The following TOM1L1 variants were observed in gnomAD, a reference collection of about 807,000 sequenced individuals.
TOM1L1 encodes the protein target of myb1 like 1 membrane trafficking protein.
Under a neutral mutation model 63.4 loss-of-function variants are expected in TOM1L1, and 64 were observed. The observed-to-expected ratio is 1.01, with a 90% CI of 0.83 to 1.24. The LOEUF (loss-of-function observed/expected upper bound fraction) is 1.24. TOM1L1 is among the 50% of genes most tolerant of loss of function. The pLI is 0.00. For synonymous variants in TOM1L1, 166 were observed against 194.4 expected (o/e 0.85, Z 1.22); for missense variants, 536 against 567.0 (o/e 0.95, Z 0.55).
At chr17:54,928,974 T>C (rs1194485845) in intron 7 of TOM1L1, among the ~76,000 whole-genome samples, 1 of 152,234 alleles carries the variant, frequency 6.6e-6, no homozygotes, top group Non-Finnish European at 1.5e-5. Context: ...TTGTTTGAGA[T>C]TCTGAATGGT....
chr17:54,918,629 T>C (rs1383107625), intron 7 of TOM1L1, among the ~76,000 whole-genome samples: 5 of 152,042 alleles, frequency 3.3e-5, no homozygotes, highest in Admixed American at 2.6e-4. Flanking sequence ...TTTAGAAAAA[T>C]CCTCTGGTGG....
chr17:54,902,278 T>G (rs1377926361), intron 1 of TOM1L1, among the ~76,000 whole-genome samples: 1 of 152,078 alleles, frequency 6.6e-6, no homozygotes, highest in Non-Finnish European at 1.5e-5. Flanking sequence ...ATTCAAGTTT[T>G]TTGTTGTTGT....
chr17:54,949,594 G>C lies in TOM1L1; in HGVS notation c.1259G>C (p.Ser420Thr), dbSNP rs762550272. Residue 420 changes from serine to threonine, a missense_variant, in exon 13 of 16, where the codon AGT becomes ACT. By Grantham distance (58) the Ser-to-Thr change is moderately conservative (BLOSUM62 1). Coordinates refer to ENST00000575882, the MANE Select transcript of TOM1L1 (RefSeq NM_005486.3). ...ATTGCAGCAGCACCATCAAACCAGAGTCTGCCACCTTTGCCCAGCAATCAT... is the reference window on the plus strand; with the variant it reads ...ATTGCAGCAGCACCATCAAACCAGACTCTGCCACCTTTGCCCAGCAATCAT... ...QTIAAAPSNQ[S>T]LPPLPSNHPA... 6.2e-7 allele frequency: 1 copy of C among 1,606,532 alleles called. No individual in the cohort carries two copies. Among genetic ancestry groups the C allele is most frequent in the Non-Finnish European group, 8.5e-7 (1 of 1,179,860 alleles).
At position 54,937,110 on chromosome 17, in the gene TOM1L1, C is replaced by A; in HGVS notation, c.917C>A (p.Thr306Asn). 8.2e-6 allele frequency: 13 copies of A among 1,583,652 alleles called. No individual in the cohort carries two copies. Among genetic ancestry groups the A allele is most frequent in the Non-Finnish European group, 1.1e-5 (13 of 1,156,808 alleles). ...TTTTTTTTTTTGCTTTGTTTTCAGA[C>A]TACCAGTGAGCCTTCTGCCCCATCT... ...QNKNQKEATNTTSEPSAPSQD... is the reference protein window; with the variant it reads ...QNKNQKEATNNTSEPSAPSQD... Residue 306 changes from threonine (T) to asparagine (N), a missense_variant and splice_region_variant, in exon 10 of 16, where the codon ACT (threonine) becomes AAT (asparagine). Physicochemically the swap from Thr to Asn is moderately conservative, Grantham distance 65 (BLOSUM62 0). Transcript: ENST00000575882.
At position 54,961,418 on chromosome 17, in the gene TOM1L1, C is replaced by T; in HGVS notation, c.*185C>T. ...CCAGGATAACACTGATTCCTGACAA[C>T]AGCGTGAGATTTCAACAGAACTTGT... is the stretch of plus-strand genomic sequence containing the variant. On this transcript the variant is annotated 3_prime_UTR_variant, in exon 16 of 16. Transcript: ENST00000575882. 6.6e-7 allele frequency: 1 copy of T among 1,523,918 alleles called. No homozygotes were observed. Among genetic ancestry groups the T allele is most frequent in the Non-Finnish European group, 8.8e-7 (1 of 1,135,422 alleles). 94.4% of individuals were successfully genotyped at this position (1,523,918 alleles called of 1,614,324 possible).
chr17:54,914,700 T>C lies in TOM1L1; in HGVS notation c.560T>C (p.Val187Ala), dbSNP rs1349838449. The C allele has an allele frequency of 6.2e-7, 1 of 1,613,898 alleles. No individual in the cohort carries two copies. Among genetic ancestry groups the C allele is most frequent in the African/African-American group, 1.3e-5 (1 of 74,940 alleles). ...SVPTAPALSS[V>A]IAPKNSTVTL... The stretch of plus-strand genomic sequence containing the variant: ...CCTACTGCACCAGCTCTTTCTTCTG[T>C]AATTGCTCCAAAGAACTCGACTGTT... Residue 187 changes from valine to alanine, a missense_variant, in exon 6 of 16, where the codon GTA (valine) becomes GCA (alanine). Transcript: ENST00000575882.
intron 8 of TOM1L1, among the ~76,000 whole-genome samples, chr17:54,934,721 T>C (rs1283476924): frequency 6.6e-6 from 1 of 151,968 alleles, no homozygotes; most frequent in Non-Finnish European, 1.5e-5. Context: ...GGATTTTTTT[T>C]TTTTTTTCTT....
Position 54,905,521 on chromosome 17 carries a change from G to T in TOM1L1, c.176G>T (p.Arg59Met), listed in dbSNP as rs896696737. ...GATGCAGTGAAAGCTTTGAAGAAAA[G>T]GATTTCCAAAAACTACAATCATAAA... ...PKDAVKALKKRISKNYNHKEI... is the reference protein window; with the variant it reads ...PKDAVKALKKMISKNYNHKEI... The change falls in exon 3 of 16, where the codon AGG becomes ATG. Residue 59 changes from arginine to methionine, a missense_variant. Coordinates refer to ENST00000575882, the MANE Select transcript of TOM1L1 (RefSeq NM_005486.3). 3 of 1,611,754 alleles carry T rather than the reference G, an allele frequency of 1.9e-6. No individual in the cohort carries two copies. Among genetic ancestry groups the T allele is most frequent in the Non-Finnish European group, 2.5e-6 (3 of 1,178,920 alleles).
chr17:54,917,625 C>A (rs1263711332), intron 7 of TOM1L1, among the ~76,000 whole-genome samples: 1 of 152,042 alleles, frequency 6.6e-6, no homozygotes, highest in Non-Finnish European at 1.5e-5. Flanking sequence ...TGTGGACTCT[C>A]CTTTGCAAAT....
intron 14 of TOM1L1, among the ~76,000 whole-genome samples, chr17:54,951,120 T>G (rs1430185063): frequency 3.3e-5 from 5 of 152,212 alleles, no homozygotes; most frequent in Admixed American, 3.3e-4. Flanking sequence ...TGGCTTCAAG[T>G]TGGGGTTCCC....
intron 7 of TOM1L1, among the ~76,000 whole-genome samples, chr17:54,919,997 T>A (rs112641262): frequency 7.2e-5 from 11 of 151,848 alleles, no homozygotes; most frequent in African/African-American, 2.7e-4. Flanking sequence ...TTTATTTATT[T>A]ATTTATTTAT....
At position 54,915,975 on chromosome 17, in the gene TOM1L1, C is replaced by T. The variant is rs759125132; in HGVS notation, c.720+113C>T. On this transcript the variant is annotated intron_variant, in intron 7 of 15. Transcript: ENST00000575882. ...TATTGTCTAGTACATCCTCCTACATCCTGATTTCAGTTGATTTCTAAACTT... is the reference window on the plus strand; with the variant it reads ...TATTGTCTAGTACATCCTCCTACATTCTGATTTCAGTTGATTTCTAAACTT... The T allele has an allele frequency of 3.1e-5, 21 of 682,278 alleles. 1 individual carries two copies. Among genetic ancestry groups the T allele is most frequent in the Non-Finnish European group, 4.9e-5 (20 of 406,864 alleles). The allele number at this position is 682,278 out of a possible 1,614,324, so 42.3% of individuals were successfully genotyped here. A position where few individuals can be genotyped will look rare whatever the true frequency, so the allele number is the denominator to read the frequency against.
At chr17:54,912,944 A>C in intron 4 of TOM1L1, 129 bp downstream of exon 4, 1 of 843,306 alleles carries the variant, frequency 1.2e-6, no homozygotes, top group Non-Finnish European at 1.6e-6. Context: ...TTGCTATTTT[A>C]GTTTCTGTGT....
chr17:54,910,224 G>A (rs1033290284), intron 3 of TOM1L1, among the ~76,000 whole-genome samples: 4 of 152,182 alleles, frequency 2.6e-5, no homozygotes, highest in Admixed American at 2.0e-4. Context: ...GGGAGGCCGG[G>A]GTGGATGGAT....
intron 11 of TOM1L1, among the ~76,000 whole-genome samples, chr17:54,944,011 AAAGG>A (rs58273491): frequency 0.29 from 44,494 of 151,650 alleles, 6,812 homozygotes; most frequent in African/African-American, 0.35. Context: ...TAAATAAATA[AAAGG>A]AAGTAAAAAC....
rs572790648 is a variant in TOM1L1, at chr17:54,924,277, T to G, written c.721-5796T>G. ...AGCTTTTTCTTTTTCTTTTCTTTTC[T>G]TTTTTCTTTTTTTTTTTTTTGAGAT... On this transcript the variant is annotated intron_variant, in intron 7 of 15. Coordinates refer to ENST00000575882, the MANE Select transcript of TOM1L1 (RefSeq NM_005486.3). Among the ~76,000 whole-genome samples the G allele has an allele frequency of 1.7e-3, 216 of 127,312 alleles. 8 individuals are homozygous for G. The South Asian group carries it at 0.047, about 28-fold the overall frequency. The allele number at this position is 127,312 out of a possible 152,430, so 83.5% of individuals were successfully genotyped here.
chr17:54,959,693 C>T (rs1459092674), intron 14 of TOM1L1, among the ~76,000 whole-genome samples: 2 of 151,122 alleles, frequency 1.3e-5, no homozygotes, highest in Non-Finnish European at 2.9e-5. Flanking sequence ...TCTCAGCTCA[C>T]TGCAATCTCC....
At chr17:54,946,201 G>A (rs1173404777) in intron 11 of TOM1L1, among the ~76,000 whole-genome samples, 1 of 152,164 alleles carries the variant, frequency 6.6e-6, no homozygotes, top group Non-Finnish European at 1.5e-5. Flanking sequence ...CACCGTTTTT[G>A]ACATTGTGAC....
intron 3 of TOM1L1, among the ~76,000 whole-genome samples, chr17:54,906,294 C>A (rs576067166): frequency 6.6e-6 from 1 of 152,100 alleles, no homozygotes; most frequent in East Asian, 1.9e-4. Context: ...TATGGTGAAA[C>A]CCCGTCTCTA....
Sources: allele counts gnomAD v4.1 joint callset (sites outside exome capture counted in the v4.1 genomes callset), GRCh38; gene constraint gnomAD v4.1.1; transcripts MANE v1.5; gene names NCBI Gene and HGNC (gene_info 2026-07-23, HGNC 2026-07-21).